WWOX: variants seen among roughly 807,000 people sequenced by gnomAD.
WWOX encodes the protein WW domain-containing oxidoreductase.
Under a neutral mutation model 46.2 loss-of-function variants are expected in WWOX, and 69 were observed. The observed-to-expected ratio is 1.49, with a 90% CI of 1.23 to 1.82. The LOEUF (loss-of-function observed/expected upper bound fraction) is 1.82. Among genes scored for constraint, WWOX ranks in the 40% most tolerant of loss-of-function variants. The probability of loss-of-function intolerance (pLI) is 0.00; values close to 1 mark genes in which losing one functional copy is unlikely to be tolerated. For synonymous variants in WWOX, 359 were observed against 202.6 expected (o/e 1.77, Z -6.56); for missense variants, 919 against 542.6 (o/e 1.69, Z -6.89).
chr16:79,103,976 A>G (rs1020532720), intron 8 of WWOX, among the ~76,000 whole-genome samples: 1 of 131,782 alleles, frequency 7.6e-6, no homozygotes, highest in East Asian at 2.5e-4. Context: ...AGATTTATGT[A>G]CTATAGTCAG....
At chr16:78,220,094 T>A (rs917775566) in intron 5 of WWOX, among the ~76,000 whole-genome samples, 1 of 151,872 alleles carries the variant, frequency 6.6e-6, no homozygotes, top group Non-Finnish European at 1.5e-5. Context: ...GCTGAATGAT[T>A]GTGAATGATT....
intron 8 of WWOX, among the ~76,000 whole-genome samples, chr16:78,606,086 G>T (rs1032547775): frequency 3.9e-5 from 6 of 152,182 alleles, no homozygotes; most frequent in Non-Finnish European, 8.8e-5. Flanking sequence ...ACACTGTTCA[G>T]TTTACGCTTA....
At chr16:78,897,008 A>G (rs1381926691) in intron 8 of WWOX, 2 of 151,718 alleles carry the variant, frequency 1.3e-5, no homozygotes, top group South Asian at 4.2e-4. Flanking sequence ...AGGGTGGACC[A>G]CTTGAGGCCA....
At chr16:78,712,861 C>T (rs1198140371) in intron 8 of WWOX, among the ~76,000 whole-genome samples, 2 of 151,874 alleles carry the variant, frequency 1.3e-5, no homozygotes, top group Admixed American at 1.3e-4. Context: ...TATTGTTGGC[C>T]GACTGTGGGT....
At chr16:78,282,062 C>T (rs1321231813) in intron 5 of WWOX, among the ~76,000 whole-genome samples, 1 of 152,166 alleles carries the variant, frequency 6.6e-6, no homozygotes, top group African/African-American at 2.4e-5. Flanking sequence ...CAGGATTGGC[C>T]TAGTTTTAGG....
intron 8 of WWOX, among the ~76,000 whole-genome samples, chr16:78,797,634 G>A (rs142013732): frequency 1.3e-5 from 2 of 152,056 alleles, no homozygotes; most frequent in African/African-American, 4.8e-5. Flanking sequence ...AGGAAGATTC[G>A]TCCAGTCTCA....
chr16:78,401,847 G>A (rs546417491), intron 6 of WWOX, among the ~76,000 whole-genome samples: 1 of 152,094 alleles, frequency 6.6e-6, no homozygotes, highest in East Asian at 1.9e-4. Flanking sequence ...TTACAGGTGT[G>A]CGCCACCACG....
intron 5 of WWOX, among the ~76,000 whole-genome samples, chr16:78,331,998 C>G (rs996243337): frequency 6.6e-6 from 1 of 152,114 alleles, no homozygotes; most frequent in Non-Finnish European, 1.5e-5. Context: ...TACATCAGAG[C>G]CGAGGAAGGT....
intron 4 of WWOX, among the ~76,000 whole-genome samples, chr16:78,133,077 A>G (rs1190186722): frequency 6.6e-6 from 1 of 152,182 alleles, no homozygotes; most frequent in African/African-American, 2.4e-5. Context: ...GGTTAGCCAA[A>G]TTAAGATCTC....
chr16:78,179,877 A>T (rs2035473874), intron 5 of WWOX: 1 of 152,128 alleles, frequency 6.6e-6, no homozygotes, highest in Non-Finnish European at 1.5e-5. Context: ...AATTGGAGGG[A>T]TTTGGTAAAT....
At chr16:78,659,380 T>C (rs751187411) in intron 8 of WWOX, among the ~76,000 whole-genome samples, 4 of 152,068 alleles carry the variant, frequency 2.6e-5, no homozygotes, top group Non-Finnish European at 5.9e-5. Context: ...ATCAGGGTCA[T>C]CTGGGAACTT....
chr16:78,601,119 G>A (rs2045612253), intron 8 of WWOX, among the ~76,000 whole-genome samples: 1 of 152,158 alleles, frequency 6.6e-6, no homozygotes, highest in Non-Finnish European at 1.5e-5. Context: ...TAAGTGACAT[G>A]GCTCCTCGCA....
intron 8 of WWOX, among the ~76,000 whole-genome samples, chr16:78,547,685 C>G (rs776124731): frequency 7.9e-5 from 12 of 152,168 alleles, no homozygotes; most frequent in Non-Finnish European, 1.2e-4. Context: ...CAACGGCCCA[C>G]TTTCTGGTTC....
intron 5 of WWOX, among the ~76,000 whole-genome samples, chr16:78,291,775 A>T (rs899679905): frequency 6.6e-6 from 1 of 152,184 alleles, no homozygotes; most frequent in African/African-American, 2.4e-5. Context: ...TTCCAAGGCC[A>T]CCAGGGAGCA....
intron 4 of WWOX, among the ~76,000 whole-genome samples, chr16:78,135,040 A>T (rs978948999): frequency 1.6e-4 from 24 of 152,338 alleles, no homozygotes; most frequent in Admixed American, 4.6e-4. Context: ...GAAAAATCCC[A>T]GTGCCATAAC....
rs11458852 is a variant in WWOX at position 78,688,369 on chromosome 16, T to TAAA, written c.1056+255630_1056+255632dup. 4.3e-3 allele frequency among the ~76,000 whole-genome samples: 606 copies of TAAA among 142,410 alleles called. 5 individuals are homozygous for TAAA. The highest frequency in any genetic ancestry group is 6.1e-3 in the South Asian group (27 of 4,450). 93.4% of individuals were successfully genotyped at this position (142,410 alleles called of 152,430 possible). The stretch of plus-strand genomic sequence containing the variant: ...TGATGAGTCACTATATCAGTTACTT[T>TAAA]AAAAAAAAAAAAAAAGATCCTGACA... On this transcript the variant is annotated intron_variant, in intron 8 of 8. Transcript: ENST00000566780.
chr16:78,264,958 T>TTCCTC (rs1555511098), intron 5 of WWOX: 1 of 124,240 alleles, frequency 8.0e-6, no homozygotes, highest in African/African-American at 2.9e-5. Flanking sequence ...CCCCTCCCCT[T>TTCCTC]CCCTCCCCTC....
At chr16:79,207,905 CA>C (rs1379463566) in intron 8 of WWOX, among the ~76,000 whole-genome samples, 1 of 152,014 alleles carries the variant, frequency 6.6e-6, no homozygotes, top group African/African-American at 2.4e-5. Flanking sequence ...TAGCAGTTAT[CA>C]AATGAATGTT....
intron 8 of WWOX, among the ~76,000 whole-genome samples, chr16:79,063,326 C>G (rs1597339141): frequency 6.6e-6 from 1 of 152,252 alleles, no homozygotes; most frequent in Non-Finnish European, 1.5e-5. Flanking sequence ...ATTTTTTGTT[C>G]CGAAATCGGA....
Sources: allele counts gnomAD v4.1 joint callset (sites outside exome capture counted in the v4.1 genomes callset), GRCh38; gene constraint gnomAD v4.1.1; transcripts MANE v1.5; gene names NCBI Gene and HGNC (gene_info 2026-07-23, HGNC 2026-07-21).